PADI4: variants seen among roughly 807,000 people sequenced by gnomAD.
PADI4 encodes protein-arginine deiminase type-4.
PADI4 carries 62 observed loss-of-function variants against 75.0 expected under a neutral mutation model. The observed-to-expected ratio is 0.83, with a 90% CI of 0.67 to 1.02. PADI4 has a LOEUF of 1.02. Ranked by LOEUF, PADI4 falls within the 50% of genes least tolerant of loss-of-function variation. The pLI, the probability that PADI4 is intolerant of heterozygous loss-of-function variation, is 0.00. For missense variants in PADI4, 845 were observed against 850.5 expected (o/e 0.99, Z 0.08); for synonymous variants, 361 against 348.1 (o/e 1.04, Z -0.41).
In PADI4 at chr1:17,331,023, C is replaced by G. The variant is rs754061682; in HGVS notation, c.147C>G (p.Val49=). Residue 49 remains valine, a synonymous_variant, in exon 2 of 16, where the codon GTC becomes GTG. Coordinates refer to ENST00000375448, the MANE Select transcript of PADI4 (RefSeq NM_012387.3). The part of the protein sequence containing the change: ...SFSINASPGV[V]VDIAHGPPAK... ...GCATCAACGCCTCCCCAGGGGTGGT[C>G]GTGGATATTGCCCACGGCCCTCCAG... is the stretch of plus-strand genomic sequence containing the variant. 6.2e-6 allele frequency: 10 copies of G among 1,607,096 alleles called. No homozygotes were observed. The highest frequency in any genetic ancestry group is 8.5e-6 in the Non-Finnish European group (10 of 1,176,922).
chr1:17,345,154 C>G (rs541298545), intron 8 of PADI4, among the ~76,000 whole-genome samples: 2 of 152,230 alleles, frequency 1.3e-5, no homozygotes, highest in Non-Finnish European at 2.9e-5. Context: ...CATTTTGGAG[C>G]TTTAAAATTT....
At chr1:17,353,429 A>G (rs34199675) in intron 10 of PADI4, among the ~76,000 whole-genome samples, 1,894 of 152,192 alleles carry the variant, frequency 0.012, 18 homozygotes, top group Middle Eastern at 0.031. Flanking sequence ...AGTAAATTTG[A>G]AGATCACAGA....
At chr1:17,327,103 G>T (rs2074128788) in intron 1 of PADI4, among the ~76,000 whole-genome samples, 2 of 151,908 alleles carry the variant, frequency 1.3e-5, no homozygotes, top group African/African-American at 4.8e-5. Flanking sequence ...TGTAGAGATG[G>T]GGTTTTACCA....
chr1:17,347,968 G>A lies in PADI4; in HGVS notation c.1075G>A (p.Ala359Thr). 1.9e-6 allele frequency: 3 copies of A among 1,601,692 alleles called. No homozygotes were observed. Among genetic ancestry groups the A allele is most frequent in the Non-Finnish European group, 2.6e-6 (3 of 1,172,358 alleles). The change falls in exon 10 of 16, where the codon GCC becomes ACC. Residue 359 changes from alanine to threonine, a missense_variant. Coordinates refer to ENST00000375448, the MANE Select transcript of PADI4 (RefSeq NM_012387.3). ...TGAAATGGAGATCGGCTACATCCAAGCCCCACACAAAACGCTGCCCGTGGT... is the reference window on the plus strand; with the variant it reads ...TGAAATGGAGATCGGCTACATCCAAACCCCACACAAAACGCTGCCCGTGGT... ...QDEMEIGYIQAPHKTLPVVFD... is the reference protein window; with the variant it reads ...QDEMEIGYIQTPHKTLPVVFD...
intron 4 of PADI4, 94 bp from the exon 5 acceptor site, chr1:17,337,943 TA>T (rs2074345782): frequency 3.8e-6 from 2 of 533,238 alleles, no homozygotes; most frequent in Non-Finnish European, 6.7e-6. Context: ...AAATAAATTT[TA>T]AAAAAGAGGT....
At position 17,363,534 on chromosome 1, in the gene PADI4, G is replaced by A. The variant is rs746333908; in HGVS notation, c.1771G>A (p.Val591Met). Reference protein sequence around the residue: ...AFFPNMVNMLVLGKHLGIPKP... With the variant: ...AFFPNMVNMLMLGKHLGIPKP... ...CACTTCCCTGCAGGTGAACATGCTG[G>A]TGCTAGGGAAGCACCTGGGCATCCC... Residue 591 changes from valine to methionine, a missense_variant, in exon 16 of 16, where the codon GTG becomes ATG. By Grantham distance (21) the Val-to-Met change is conservative. Coordinates refer to ENST00000375448, the MANE Select transcript of PADI4 (RefSeq NM_012387.3). 22 of 1,612,490 alleles carry A rather than the reference G, an allele frequency of 1.4e-5. No homozygotes were observed. Among genetic ancestry groups the A allele is most frequent in the Middle Eastern group, 3.3e-4 (2 of 6,066 alleles).
chr1:17,314,156 C>T (rs896694030), intron 1 of PADI4, among the ~76,000 whole-genome samples: 10 of 152,138 alleles, frequency 6.6e-5, no homozygotes, highest in African/African-American at 2.4e-4. Flanking sequence ...CCTAGCCCCT[C>T]GGTCCACCTG....
rs139953706 is a variant in PADI4 at position 17,329,179 on chromosome 1, G to A, written c.93-1790G>A. 5.5e-3 allele frequency among the ~76,000 whole-genome samples: 835 copies of A among 151,582 alleles called. 10 individuals carry two copies. The highest frequency in any genetic ancestry group is 0.019 in the African/African-American group (799 of 41,362). On this transcript the variant is annotated intron_variant, in intron 1 of 15. Transcript: ENST00000375448. The stretch of plus-strand genomic sequence containing the variant: ...TGACCCTTGAATAACATTGTGGATA[G>A]GACTGCTGACCCCCAATGTAGTTGA...
At chr1:17,319,418 A>C (rs1291899469) in intron 1 of PADI4, among the ~76,000 whole-genome samples, 3 of 152,076 alleles carry the variant, frequency 2.0e-5, no homozygotes, top group Non-Finnish European at 4.4e-5. Flanking sequence ...ATTATTTTAA[A>C]ATTAGCCAGG....
rs867448172 is a variant in PADI4, at chr1:17,351,975, G to C, written c.1156-2558G>C. On this transcript the variant is annotated intron_variant, in intron 10 of 15. Transcript: ENST00000375448. The stretch of plus-strand genomic sequence containing the variant: ...GGTGGGAGGAGAGGCGGCCAGGGAG[G>C]TGATGGGAGGAGAGGCAGTCAGGGA... Among the ~76,000 whole-genome samples, 45 of 53,266 alleles carry C rather than the reference G, an allele frequency of 8.4e-4. 3 individuals carry two copies. Among genetic ancestry groups the C allele is most frequent in the South Asian group, 5.6e-3 (10 of 1,784 alleles). The allele number at this position is 53,266 out of a possible 152,430, so 34.9% of individuals were successfully genotyped here.
chr1:17,317,245 A>C (rs2073956365), intron 1 of PADI4, among the ~76,000 whole-genome samples: 1 of 148,816 alleles, frequency 6.7e-6, no homozygotes, highest in Admixed American at 6.8e-5. Flanking sequence ...GCTTTTCTGC[A>C]TAAGAAAATA....
At chr1:17,350,701 C>A (rs35023063) in intron 10 of PADI4, among the ~76,000 whole-genome samples, 7,226 of 130,394 alleles carry the variant, frequency 0.055, 1,362 homozygotes, top group African/African-American at 0.099. Flanking sequence ...AGTGATGTGG[C>A]TGAATTTACA....
chr1:17,315,453 G>A (rs1389322788), intron 1 of PADI4, among the ~76,000 whole-genome samples: 1 of 152,094 alleles, frequency 6.6e-6, no homozygotes, highest in African/African-American at 2.4e-5. Context: ...AAATCTTTTT[G>A]CAACAAGAGC....
chr1:17,326,904 CTTTT>C (rs140721491), intron 1 of PADI4, among the ~76,000 whole-genome samples: 1 of 132,156 alleles, frequency 7.6e-6, no homozygotes. Flanking sequence ...GCCTTATATG[CTTTT>C]TTTTTTTTTT....
At chr1:17,311,485 C>T (rs2073826665) in intron 1 of PADI4, among the ~76,000 whole-genome samples, 3 of 151,724 alleles carry the variant, frequency 2.0e-5, no homozygotes. Flanking sequence ...CAGAAGCTGC[C>T]ATCTATGGTC....
intron 2 of PADI4, 68 bp downstream of exon 2, chr1:17,331,217 C>A: frequency 7.4e-7 from 1 of 1,354,968 alleles, no homozygotes; most frequent in Non-Finnish European, 1.0e-6. Context: ...ACACTCTGTC[C>A]TGCCGTGATC....
intron 10 of PADI4, among the ~76,000 whole-genome samples, chr1:17,353,955 T>A (rs1377571974): frequency 6.6e-6 from 1 of 152,006 alleles, no homozygotes; most frequent in Non-Finnish European, 1.5e-5. Flanking sequence ...AGAGAATAAA[T>A]GTGGCTGGGC....
At chr1:17,336,128 C>G in intron 3 of PADI4, 31 bp from the exon 4 acceptor site, 1 of 1,559,214 alleles carries the variant, frequency 6.4e-7, no homozygotes, top group South Asian at 1.1e-5. Context: ...GGACCCTCAC[C>G]AACCTCTCCT....
chr1:17,320,245 C>T (rs758404555), intron 1 of PADI4, among the ~76,000 whole-genome samples: 9 of 142,488 alleles, frequency 6.3e-5, no homozygotes, highest in Non-Finnish European at 1.4e-4. Context: ...TTCCCTGACT[C>T]AGACCCTCCT....
Sources: allele counts gnomAD v4.1 joint callset (sites outside exome capture counted in the v4.1 genomes callset), GRCh38; gene constraint gnomAD v4.1.1; transcripts MANE v1.5; gene names NCBI Gene and HGNC (gene_info 2026-07-23, HGNC 2026-07-21).